EBF1: variants seen among roughly 807,000 people sequenced by gnomAD.
EBF1 encodes the protein EBF transcription factor 1.
A neutral mutation model predicts 68.4 loss-of-function variants in EBF1; 10 were observed. The ratio of observed to expected loss-of-function variants is 0.15; its 90% CI spans 0.09 to 0.25. The LOEUF is 0.25. Ranked by LOEUF, EBF1 falls within the 10% of genes least tolerant of loss-of-function variation. The pLI is 1.00. For synonymous variants in EBF1, 298 were observed against 299.8 expected, an observed-to-expected ratio of 0.99 and a Z score of 0.06; for missense variants, 509 against 794.4, an observed-to-expected ratio of 0.64 and a Z score of 4.32.
chr5:158,993,203 C>T (rs919306481), intron 6 of EBF1, among the ~76,000 whole-genome samples: 1 of 151,848 alleles, frequency 6.6e-6, no homozygotes, highest in Non-Finnish European at 1.5e-5. Context: ...CACGCTGCTA[C>T]ACCCAGCTAA....
chr5:159,094,369 C>CAATA (rs5872585), intron 4 of EBF1, among the ~76,000 whole-genome samples: 77,797 of 151,104 alleles, frequency 0.51, 21,672 homozygotes, highest in African/African-American at 0.75. Context: ...ATATTTCAAT[C>CAATA]TTTATTTTTA....
chr5:159,057,519 C>T (rs902228456), intron 6 of EBF1, among the ~76,000 whole-genome samples: 2 of 152,166 alleles, frequency 1.3e-5, no homozygotes, highest in Admixed American at 1.3e-4. Context: ...AGAAAAGACA[C>T]GTTGTACCCT....
intron 15 of EBF1, among the ~76,000 whole-genome samples, chr5:158,703,866 C>T (rs72810362): frequency 0.014 from 2,083 of 152,320 alleles, 24 homozygotes; most frequent in Non-Finnish European, 0.024. Flanking sequence ...ATCTTTCCTT[C>T]CTCTGTACTT....
At chr5:159,042,868 A>T (rs571215753) in intron 6 of EBF1, among the ~76,000 whole-genome samples, 119 of 151,942 alleles carry the variant, frequency 7.8e-4, no homozygotes, top group Admixed American at 2.5e-3. Flanking sequence ...AGTAAAAAAA[A>T]AAAAATAAAA....
At position 159,004,052 on chromosome 5, in the gene EBF1, G is replaced by A. The variant is rs114095554; in HGVS notation, c.554+69344C>T. ...AGCACATTGGGAGGCCAAGGTGGGCGGATCACTTGAAGTTGGAAGTTTGAG... is the reference window on the plus strand; with the variant it reads ...AGCACATTGGGAGGCCAAGGTGGGCAGATCACTTGAAGTTGGAAGTTTGAG... On this transcript the variant is annotated intron_variant, in intron 6 of 15. Coordinates refer to ENST00000313708, the MANE Select transcript of EBF1 (RefSeq NM_024007.5). 3.7e-3 allele frequency among the ~76,000 whole-genome samples: 563 copies of A among 152,266 alleles called. 3 individuals carry two copies. The highest frequency in any genetic ancestry group is 0.012 in the African/African-American group (506 of 41,544).
At chr5:158,949,388 G>A (rs1232858685) in intron 6 of EBF1, among the ~76,000 whole-genome samples, 2 of 152,130 alleles carry the variant, frequency 1.3e-5, no homozygotes, top group Non-Finnish European at 1.5e-5. Flanking sequence ...CAAGCACTTT[G>A]GGAGGTAAAG....
intron 6 of EBF1, among the ~76,000 whole-genome samples, chr5:159,070,511 T>C (rs775393643): frequency 3.7e-4 from 57 of 152,158 alleles, no homozygotes; most frequent in Non-Finnish European, 6.0e-4. Flanking sequence ...AGCCAAAATT[T>C]AACACAGAAA....
At chr5:158,840,950 C>A (rs4546365) in intron 6 of EBF1, among the ~76,000 whole-genome samples, 1 of 151,822 alleles carries the variant, frequency 6.6e-6, no homozygotes, top group African/African-American at 2.4e-5. Flanking sequence ...GGATTACAGG[C>A]GTGAGCCACC....
At chr5:158,760,031 C>T (rs904681861) in intron 10 of EBF1, among the ~76,000 whole-genome samples, 1 of 152,096 alleles carries the variant, frequency 6.6e-6, no homozygotes, top group Non-Finnish European at 1.5e-5. Flanking sequence ...GAATGAAATA[C>T]AGTCTGCCAT....
intron 6 of EBF1, among the ~76,000 whole-genome samples, chr5:158,864,819 T>C (rs1227124554): frequency 6.6e-6 from 1 of 152,120 alleles, no homozygotes; most frequent in Non-Finnish European, 1.5e-5. Flanking sequence ...CAAAGGCCAG[T>C]GTGGCTGCAG....
chr5:158,985,063 C>T (rs1285493955), intron 6 of EBF1, among the ~76,000 whole-genome samples: 1 of 152,028 alleles, frequency 6.6e-6, no homozygotes, highest in African/African-American at 2.4e-5. Flanking sequence ...CTACTTACTG[C>T]GGCACTATAG....
At chr5:158,962,901 C>T (rs1001479397) in intron 6 of EBF1, among the ~76,000 whole-genome samples, 3 of 152,178 alleles carry the variant, frequency 2.0e-5, no homozygotes, top group Non-Finnish European at 2.9e-5. Flanking sequence ...CTCAGTGACA[C>T]CCCAGAGTGA....
intron 6 of EBF1, among the ~76,000 whole-genome samples, chr5:158,999,101 G>T (rs536606135): frequency 2.0e-5 from 3 of 151,954 alleles, no homozygotes; most frequent in Admixed American, 1.3e-4. Context: ...AAAAAAATCT[G>T]ACAGAAAAAG....
chr5:159,099,575 A>G lies in EBF1; in HGVS notation c.-97T>C, dbSNP rs1783269783. 7.6e-7 allele frequency: 1 copy of G among 1,307,814 alleles called. No homozygotes were observed. Among genetic ancestry groups the G allele is most frequent in the African/African-American group, 1.5e-5 (1 of 64,962 alleles). The allele number at this position is 1,307,814 out of a possible 1,614,324, so 81.0% of individuals were successfully genotyped here. A position where few individuals can be genotyped will look rare whatever the true frequency, so the allele number is the denominator to read the frequency against. ...AAGAAAGAAAAGAAAAGAAACAAAA[A>G]CGCCAACCAGAGATTTTTTTTTTTC... On this transcript the variant is annotated 5_prime_UTR_variant, in exon 1 of 16. Coordinates refer to ENST00000313708, the MANE Select transcript of EBF1 (RefSeq NM_024007.5).
At chr5:158,823,116 G>T (rs1785213535) in intron 8 of EBF1, 60 bp downstream of exon 8, 6 of 1,611,198 alleles carry the variant, frequency 3.7e-6, no homozygotes, top group Admixed American at 1.7e-5. Context: ...GTGGAAGAAA[G>T]AAACCAAATA....
chr5:159,007,507 G>A (rs1034432199), intron 6 of EBF1, among the ~76,000 whole-genome samples: 2 of 152,112 alleles, frequency 1.3e-5, no homozygotes, highest in African/African-American at 4.8e-5. Context: ...CATAGCTTTG[G>A]GTCTAATCCA....
At chr5:159,093,391 A>G (rs553926603) in intron 4 of EBF1, among the ~76,000 whole-genome samples, 33 of 152,346 alleles carry the variant, frequency 2.2e-4, no homozygotes, top group Admixed American at 1.4e-3. Flanking sequence ...ACCAAAATAT[A>G]TCATTGCATG....
intron 4 of EBF1, among the ~76,000 whole-genome samples, chr5:159,087,269 C>T (rs140366820): frequency 0.04 from 4,635 of 117,114 alleles, 129 homozygotes; most frequent in African/African-American, 0.12. Context: ...TATATATATA[C>T]ACACACACAT....
intron 6 of EBF1, among the ~76,000 whole-genome samples, chr5:159,017,235 AAAG>A (rs534112235): frequency 2.4e-3 from 373 of 152,364 alleles, no homozygotes; most frequent in African/African-American, 7.6e-3. Flanking sequence ...TGCAGCTATA[AAAG>A]AAAGTTGACA....
Sources: allele counts gnomAD v4.1 joint callset (sites outside exome capture counted in the v4.1 genomes callset), GRCh38; gene constraint gnomAD v4.1.1; transcripts MANE v1.5; gene names NCBI Gene and HGNC (gene_info 2026-07-23, HGNC 2026-07-21).